NID1: variants seen among roughly 807,000 people sequenced by gnomAD.
NID1 encodes nidogen-1.
A neutral mutation model predicts 130.6 loss-of-function variants in NID1; 76 were observed. The ratio of observed to expected loss-of-function variants is 0.58; its 90% CI spans 0.48 to 0.70. NID1 has a LOEUF of 0.70. Among genes scored for constraint, NID1 ranks in the 30% least tolerant of loss-of-function variants. The probability of loss-of-function intolerance (pLI) is 0.00; values close to 1 mark genes in which losing one functional copy is unlikely to be tolerated. For synonymous variants in NID1, 665 were observed against 675.1 expected (o/e 0.98, Z 0.23); for missense variants, 1,517 against 1,664.8 (o/e 0.91, Z 1.54).
At chr1:236,053,127 C>T (rs530594948) in intron 1 of NID1, among the ~76,000 whole-genome samples, 18 of 152,308 alleles carry the variant, frequency 1.2e-4, no homozygotes, top group Admixed American at 4.6e-4. Flanking sequence ...TCATGACCTC[C>T]ATTATTCACT....
In NID1 at chr1:235,981,756, C is replaced by T. The variant is rs1657442817; in HGVS notation, c.3082G>A (p.Val1028Ile). ...AAGATGTTGCGGCCAAGGTGATCAA[C>T]AGCGATACCTTCTGGACTTCCAAGA... Reference protein sequence around the residue: ...QDLGSPEGIAVDHLGRNIFWT... With the variant: ...QDLGSPEGIAIDHLGRNIFWT... Residue 1028 changes from valine (V) to isoleucine (I), a missense_variant, in exon 16 of 20, where the codon GTT becomes ATT. Val to Ile is a conservative substitution (Grantham distance 29). Transcript: ENST00000264187. 6.2e-7 allele frequency: 1 copy of T among 1,613,402 alleles called. No individual in the cohort carries two copies. The highest frequency in any genetic ancestry group is 8.5e-7 in the Non-Finnish European group (1 of 1,179,746).
chr1:236,037,986 TA>T, intron 5 of NID1, 117 bp downstream of exon 5: 1 of 1,196,960 alleles, frequency 8.4e-7, no homozygotes, highest in South Asian at 1.8e-5. Flanking sequence ...ATGGCTGCCA[TA>T]AGAAAAACTC....
At chr1:236,027,557 G>A (rs1168990712) in intron 7 of NID1, among the ~76,000 whole-genome samples, 3 of 152,152 alleles carry the variant, frequency 2.0e-5, no homozygotes, top group Non-Finnish European at 4.4e-5. Context: ...GGCCAGGCAC[G>A]ATGGCTCACG....
In NID1 at chr1:235,976,296, A is replaced by T. The variant is rs1271426337; in HGVS notation, c.*1571T>A. On this transcript the variant is annotated 3_prime_UTR_variant, in exon 20 of 20. Transcript: ENST00000264187. ...GAGTGTACTGGGGTTTGAGGAAAAG[A>T]GGAGAGACTCTTTTCCCCAAAGAGA... 2.0e-5 allele frequency: 3 copies of T among 152,162 alleles called. No homozygotes were observed. The East Asian group carries it at 5.8e-4, about 29-fold the overall frequency. The allele number at this position is 152,162 out of a possible 1,614,324, so 9.4% of individuals were successfully genotyped here. A position where few individuals can be genotyped will look rare whatever the true frequency, so the allele number is the denominator to read the frequency against.
At chr1:236,038,709 T>G (rs12036900) in intron 4 of NID1, among the ~76,000 whole-genome samples, 3,410 of 118,152 alleles carry the variant, frequency 0.029, 64 homozygotes, top group East Asian at 0.093. Flanking sequence ...TAATATATAT[T>G]ACCTATGTTA....
rs765999192 is a variant in NID1 at position 235,993,847 on chromosome 1, G to C, written c.2553C>G (p.His851Gln). The C allele has an allele frequency of 2.5e-6, 4 of 1,613,178 alleles. No homozygotes were observed. In the Admixed American group the frequency reaches 6.7e-5, roughly 27 times the overall value. Residue 851 changes from histidine (H) to glutamine (Q), a missense_variant, in exon 13 of 20, where the codon CAC becomes CAG. Physicochemically the swap from His to Gln is conservative, Grantham distance 24. Coordinates refer to ENST00000264187, the MANE Select transcript of NID1 (RefSeq NM_002508.3). The part of the protein sequence containing the change: ...PGEVEKTRCQ[H>Q]EREHILGAAG... ...CTGCCCCGAGAATGTGTTCTCGCTC[G>C]TGCTGGCACCGGGTTTTCTCCACCT...
At chr1:236,001,346 T>C (rs1168872767) in intron 12 of NID1, among the ~76,000 whole-genome samples, 3 of 152,104 alleles carry the variant, frequency 2.0e-5, no homozygotes, top group Admixed American at 6.5e-5. Context: ...ACCTCGTGAT[T>C]CACCCGCCTC....
chr1:235,981,550 GA>G, intron 16 of NID1, 60 bp downstream of exon 16: 1 of 1,529,714 alleles, frequency 6.5e-7, no homozygotes, highest in Non-Finnish European at 8.9e-7. Context: ...TCACATCTGA[GA>G]ATCTCTAAAA....
At chr1:235,981,554 C>T in intron 16 of NID1, 57 bp downstream of exon 16, 1 of 1,544,380 alleles carries the variant, frequency 6.5e-7, no homozygotes, top group Admixed American at 1.9e-5. Flanking sequence ...ATCTGAGAAT[C>T]TCTAAAAGGG....
intron 14 of NID1, among the ~76,000 whole-genome samples, chr1:235,989,069 CTTTTTTTTTTTT>C (rs768952072): frequency 4.3e-5 from 5 of 115,804 alleles, no homozygotes; most frequent in Non-Finnish European, 1.7e-5. Flanking sequence ...AAATTATCTG[CTTTTTTTTTTTT>C]TTTTTTTTTT....
At position 236,048,694 on chromosome 1, in the gene NID1, C is replaced by T. The variant is rs1179997911; in HGVS notation, c.521G>A (p.Gly174Asp). Residue 174 changes from glycine to aspartate, a missense_variant, in exon 2 of 20, where the codon GGC becomes GAC. Gly to Asp is a moderately conservative substitution (Grantham distance 94). Coordinates refer to ENST00000264187, the MANE Select transcript of NID1 (RefSeq NM_002508.3). Reference protein sequence around the residue: ...QGPSRDPDQKGKRNTFQAVLA... With the variant: ...QGPSRDPDQKDKRNTFQAVLA... ...TGGACCTGGAGGGGAGCTTACCTTGCCTTTCTGGTCTGGGTCCCTGCTGGG... is the reference window on the plus strand; with the variant it reads ...TGGACCTGGAGGGGAGCTTACCTTGTCTTTCTGGTCTGGGTCCCTGCTGGG... 7.5e-6 allele frequency: 12 copies of T among 1,608,484 alleles called. No homozygotes were observed. The highest frequency in any genetic ancestry group is 1.0e-5 in the Non-Finnish European group (12 of 1,179,120).
At chr1:236,011,796 C>G in intron 12 of NID1, 125 bp downstream of exon 12, 1 of 1,387,798 alleles carries the variant, frequency 7.2e-7, no homozygotes, top group Non-Finnish European at 1.0e-6. Context: ...GGGCCATGTG[C>G]TCTGGATTCA....
At chr1:236,019,585 G>A (rs1159888434) in intron 9 of NID1, among the ~76,000 whole-genome samples, 2 of 152,148 alleles carry the variant, frequency 1.3e-5, no homozygotes, top group African/African-American at 4.8e-5. Context: ...CTGGGATGAT[G>A]GAGGGAATGG....
chr1:235,995,463 C>T (rs1657893646), intron 12 of NID1, among the ~76,000 whole-genome samples: 2 of 152,202 alleles, frequency 1.3e-5, no homozygotes, highest in South Asian at 4.1e-4. Flanking sequence ...GTAGTGGATT[C>T]CACACTGGTT....
At chr1:236,034,347 A>G (rs1041880872) in intron 5 of NID1, among the ~76,000 whole-genome samples, 5 of 149,472 alleles carry the variant, frequency 3.3e-5, no homozygotes. Context: ...GCTTGAACAC[A>G]GGAGGCAGAG....
chr1:236,010,128 T>C (rs1327669723), intron 12 of NID1, among the ~76,000 whole-genome samples: 1 of 152,168 alleles, frequency 6.6e-6, no homozygotes, highest in East Asian at 1.9e-4. Context: ...AGCTGGAATG[T>C]GTTGACTCAA....
chr1:235,985,342 C>G lies in NID1; in HGVS notation c.3055+37G>C, dbSNP rs116516161. 1,508 of 1,612,946 alleles carry G rather than the reference C, an allele frequency of 9.3e-4. 19 individuals carry two copies. In the African/African-American group the frequency reaches 0.019, roughly 20 times the overall value. On this transcript the variant is annotated intron_variant, in intron 15 of 19. Coordinates refer to ENST00000264187, the MANE Select transcript of NID1 (RefSeq NM_002508.3). ...ACATGGCCACTTTGGCTGCTAGAAG[C>G]AAAACCAAAAAGGAAAAATGATATT...
chr1:235,994,372 G>A lies in NID1; in HGVS notation c.2528-500C>T, dbSNP rs193214824. ...AGACAGGGTTTCACCATGTCAGCCA[G>A]GCTGGTCTCGAATACCTGGCCTTAG... On this transcript the variant is annotated intron_variant, in intron 12 of 19. Transcript: ENST00000264187. 1.2e-3 allele frequency among the ~76,000 whole-genome samples: 182 copies of A among 152,258 alleles called. 1 individual carries two copies. Among genetic ancestry groups the A allele is most frequent in the Non-Finnish European group, 2.0e-3 (135 of 68,016 alleles).
chr1:236,029,826 G>C (rs1659046665), intron 6 of NID1, 76 bp from the exon 7 acceptor site: 4 of 1,453,040 alleles, frequency 2.8e-6, no homozygotes, highest in Non-Finnish European at 3.8e-6. Context: ...TCACAGTGTG[G>C]AGTGGGGTTG....
Sources: gnomAD v4.1 joint callset for allele counts (sites outside exome capture counted in the v4.1 genomes callset) on GRCh38, gnomAD v4.1.1 for gene constraint, MANE v1.5 for transcripts, NCBI Gene and HGNC (gene_info 2026-07-23, HGNC 2026-07-21) for gene names.